Variants in NXN observed in about 807,000 individuals in gnomAD.
NXN encodes nucleoredoxin 1.
Under a neutral mutation model 48.6 loss-of-function variants are expected in NXN, and 16 were observed. The ratio of observed to expected loss-of-function variants is 0.33; its 90% CI spans 0.22 to 0.50. The LOEUF (loss-of-function observed/expected upper bound fraction) is 0.50. Among genes scored for constraint, NXN ranks in the 20% least tolerant of loss-of-function variants. NXN has a pLI of 0.98. For synonymous variants in NXN, 281 were observed against 269.6 expected (o/e 1.04, Z -0.41); for missense variants, 492 against 605.5 (o/e 0.81, Z 1.97).
At chr17:858,634 A>G (rs2068010752) in intron 1 of NXN, among the ~76,000 whole-genome samples, 1 of 152,038 alleles carries the variant, frequency 6.6e-6, no homozygotes. Flanking sequence ...AGGCTGAGAC[A>G]GCAGCCTGTG....
rs538472222 is a variant in NXN, at chr17:958,973, G to A, written c.360+20346C>T. 2.0e-4 allele frequency: 37 copies of A among 181,540 alleles called. No individual in the cohort carries two copies. The East Asian group carries it at 4.1e-3, about 20-fold the overall frequency. The allele number at this position is 181,540 out of a possible 1,614,324, so 11.2% of individuals were successfully genotyped here. On this transcript the variant is annotated intron_variant, in intron 1 of 7. Transcript: ENST00000336868. This position sits in a 1 kb window ranked among gnomAD's most constrained non-coding sequence, Gnocchi z 6.9. ...CACACACATACACACACACACACAC[G>A]ATACGAGTTCTTTCATCTTGCAAGA... is the stretch of plus-strand genomic sequence containing the variant.
In NXN at chr17:956,898, G is replaced by A. The variant is rs548378375; in HGVS notation, c.360+22421C>T. Among the ~76,000 whole-genome samples the A allele has an allele frequency of 2.0e-5, 3 of 152,272 alleles. No homozygotes were observed. The highest frequency in any genetic ancestry group is 4.8e-5 in the African/African-American group (2 of 41,554). On this transcript the variant is annotated intron_variant, in intron 1 of 7. Coordinates refer to ENST00000336868, the MANE Select transcript of NXN (RefSeq NM_022463.5). This position sits in a 1 kb window ranked among gnomAD's most constrained non-coding sequence, Gnocchi z 4.1. Reference sequence around the variant, plus strand: ...ATCCAGGAGAGAGGCTGGCCCCTCCGTTCTCAGAGCTCCTGCGGGCAACTC... The same window carrying A: ...ATCCAGGAGAGAGGCTGGCCCCTCCATTCTCAGAGCTCCTGCGGGCAACTC...
At chr17:903,172 G>A (rs1046270227) in intron 1 of NXN, among the ~76,000 whole-genome samples, 4 of 151,924 alleles carry the variant, frequency 2.6e-5, no homozygotes, top group Non-Finnish European at 5.9e-5. Flanking sequence ...GTTATGACGT[G>A]CTCACCTCTT....
intron 1 of NXN, among the ~76,000 whole-genome samples, chr17:885,812 C>T (rs940366728): frequency 1.3e-5 from 2 of 150,580 alleles, no homozygotes; most frequent in Non-Finnish European, 2.9e-5. Flanking sequence ...TCCCGAGTAG[C>T]TGGGACTACA....
chr17:926,533 T>TG (rs898276280), intron 1 of NXN, among the ~76,000 whole-genome samples: 4 of 48,616 alleles, frequency 8.2e-5, no homozygotes, highest in South Asian at 7.0e-4. Flanking sequence ...CCATGTTTTT[T>TG]GTTTTTTTTT....
intron 1 of NXN, among the ~76,000 whole-genome samples, chr17:912,108 T>C (rs2068642412): frequency 6.6e-6 from 1 of 151,908 alleles, no homozygotes; most frequent in Non-Finnish European, 1.5e-5. Context: ...CGGCTAATTT[T>C]TCTATTTTTA....
intron 1 of NXN, among the ~76,000 whole-genome samples, chr17:955,699 A>G (rs538170860): frequency 2.0e-4 from 30 of 150,812 alleles, no homozygotes; most frequent in South Asian, 1.0e-3. Context: ...GATTGAGACC[A>G]TCCTGGCTAA....
At chr17:877,122 G>A (rs912526547) in intron 1 of NXN, among the ~76,000 whole-genome samples, 6 of 151,688 alleles carry the variant, frequency 4.0e-5, no homozygotes, top group African/African-American at 1.5e-4. Context: ...TTAAACAAAC[G>A]TACTAAACAA....
At chr17:944,213 T>C (rs1431905083) in intron 1 of NXN, among the ~76,000 whole-genome samples, 1 of 152,152 alleles carries the variant, frequency 6.6e-6, no homozygotes. Flanking sequence ...CACTCCAGCC[T>C]GGAAAACAAG....
At chr17:819,341 T>C in intron 5 of NXN, 98 bp downstream of exon 5, 1 of 820,114 alleles carries the variant, frequency 1.2e-6, no homozygotes, top group Non-Finnish European at 2.1e-6. Flanking sequence ...TTCATGGAAA[T>C]AATGATGCTC....
rs534660534 is a variant in NXN, at chr17:851,212, G to A, written c.361-25134C>T. On this transcript the variant is annotated intron_variant, in intron 1 of 7. Transcript: ENST00000336868. Reference sequence around the variant, plus strand: ...TCTGTGTCCAAAAGCCGGGGGATGCGGTGGGGAGGCCGGGGCCCAGCAAGC... The same window carrying A: ...TCTGTGTCCAAAAGCCGGGGGATGCAGTGGGGAGGCCGGGGCCCAGCAAGC... Among the ~76,000 whole-genome samples the A allele has an allele frequency of 6.6e-5, 10 of 152,340 alleles. No homozygotes were observed. The East Asian group carries it at 1.4e-3, about 21-fold the overall frequency.
At chr17:804,932 T>C in intron 6 of NXN, 136 bp downstream of exon 6, 1 of 941,258 alleles carries the variant, frequency 1.1e-6, no homozygotes, top group Non-Finnish European at 1.6e-6. Flanking sequence ...AAAGCAAGGC[T>C]TCAGGGAGAG....
At chr17:853,723 A>ATATATATATTTTT (rs1491528474) in intron 1 of NXN, among the ~76,000 whole-genome samples, 17 of 105,994 alleles carry the variant, frequency 1.6e-4, no homozygotes, top group Non-Finnish European at 2.3e-4. Context: ...ATATATATAT[A>ATATATATATTTTT]TTTTTTTTTT....
chr17:813,527 T>C (rs1912288739), intron 5 of NXN, among the ~76,000 whole-genome samples: 1 of 152,250 alleles, frequency 6.6e-6, no homozygotes, highest in African/African-American at 2.4e-5. Context: ...GATATAATGA[T>C]TTCCTTAATA....
intron 1 of NXN, among the ~76,000 whole-genome samples, chr17:938,831 G>A (rs971861110): frequency 1.6e-4 from 25 of 152,026 alleles, no homozygotes; most frequent in East Asian, 1.5e-3. Context: ...AGGCCGAGGC[G>A]GGCGGATCAC....
At chr17:871,787 GATCCAGCTCTGCT>G (rs1252575384) in intron 1 of NXN, among the ~76,000 whole-genome samples, 2 of 152,182 alleles carry the variant, frequency 1.3e-5, no homozygotes, top group East Asian at 3.8e-4. Context: ...ATCCAGCCCT[GATCCAGCTCTGCT>G]GTGTTACTGA....
rs542630315 is a variant in NXN, at chr17:902,341, G to C, written c.361-76263C>G. ...CCGTGAGATCCACGAGGATCCGTGA[G>C]GTTGATACTTCAAGTCGAAGGCACG... is the stretch of plus-strand genomic sequence containing the variant. On this transcript the variant is annotated intron_variant, in intron 1 of 7. Transcript: ENST00000336868. Among the ~76,000 whole-genome samples the C allele has an allele frequency of 3.3e-5, 5 of 152,334 alleles. No homozygotes were observed. In the South Asian group the frequency reaches 1.0e-3, roughly 32 times the overall value.
intron 1 of NXN, among the ~76,000 whole-genome samples, chr17:842,983 AGAAAGAG>A (rs1567828915): frequency 1.6e-4 from 17 of 107,978 alleles, no homozygotes; most frequent in African/African-American, 6.7e-4. Flanking sequence ...AGAGAAAGAG[AGAAAGAG>A]AGAAAGAGAG....
chr17:899,993 T>C (rs1473081638), intron 1 of NXN, among the ~76,000 whole-genome samples: 1 of 152,094 alleles, frequency 6.6e-6, no homozygotes, highest in Non-Finnish European at 1.5e-5. Flanking sequence ...GGGCCGGGCG[T>C]GGTGGCTCAT....
Sources: allele counts gnomAD v4.1 joint callset (sites outside exome capture counted in the v4.1 genomes callset), GRCh38; gene constraint gnomAD v4.1.1; non-coding constraint Gnocchi (gnomAD v3.1); transcripts MANE v1.5; gene names NCBI Gene and HGNC (gene_info 2026-07-23, HGNC 2026-07-21).